The following TMPRSS15 variants were observed in gnomAD, a reference collection of about 807,000 sequenced individuals.
The protein encoded by TMPRSS15 is transmembrane serine protease 15.
In TMPRSS15, 128 loss-of-function variants were observed where a neutral mutation model predicts 125.3. The ratio of observed to expected loss-of-function variants is 1.02; its 90% confidence interval spans 0.89 to 1.18. The LOEUF is 1.18. TMPRSS15 is among the 50% of genes most tolerant of loss of function. TMPRSS15 has a pLI of 0.00. For synonymous variants in TMPRSS15, 446 were observed against 423.2 expected (o/e 1.05, Z -0.66); for missense variants, 1,283 against 1,212.7 (o/e 1.06, Z -0.86).
chr21:18,463,297 G>A lies in TMPRSS15; in HGVS notation c.10+22502C>T, dbSNP rs1392752398. 2.1e-5 allele frequency among the ~76,000 whole-genome samples: 3 copies of A among 141,526 alleles called. No homozygotes were observed. The East Asian group carries it at 6.2e-4, about 29-fold the overall frequency. The allele number at this position is 141,526 out of a possible 152,430, so 92.8% of individuals were successfully genotyped here. A position where few individuals can be genotyped will look rare whatever the true frequency, so the allele number is the denominator to read the frequency against. ...AAAAAAGCCGGGGGTGGGGAGGGTT[G>A]CAATCCTAGTCTCTGATAAAACAGA... On this transcript the variant is annotated intron_variant, in intron 1 of 7. Coordinates refer to the TMPRSS15 transcript ENST00000422787.
intron 18 of TMPRSS15, among the ~76,000 whole-genome samples, chr21:18,298,901 C>A (rs75703640): frequency 6.6e-6 from 1 of 152,122 alleles, no homozygotes; most frequent in Non-Finnish European, 1.5e-5. Flanking sequence ...TTAGAAGATA[C>A]GAACTATTTA....
chr21:18,430,996 T>C (rs1234738524), intron 1 of TMPRSS15, among the ~76,000 whole-genome samples: 1 of 152,174 alleles, frequency 6.6e-6, no homozygotes, highest in Non-Finnish European at 1.5e-5. Context: ...TGTACAGTCT[T>C]AGAACAGATA....
chr21:18,278,466 T>C (rs957412589), intron 23 of TMPRSS15, among the ~76,000 whole-genome samples: 2 of 152,206 alleles, frequency 1.3e-5, no homozygotes, highest in Admixed American at 1.3e-4. Context: ...ACGACTATAA[T>C]CCCAGCACTT....
rs1296733318 is a variant in TMPRSS15, at chr21:18,380,556, G to T, written c.497-1238C>A. Reference sequence around the variant, plus strand: ...AACACTGACCTGAAGTTGTTGCAGGGCTTACTGTAGAAAAATTCTCCAAAG... The same window carrying T: ...AACACTGACCTGAAGTTGTTGCAGGTCTTACTGTAGAAAAATTCTCCAAAG... On this transcript the variant is annotated intron_variant, in intron 4 of 24. Transcript: ENST00000284885. 6.4e-6 allele frequency: 3 copies of T among 470,584 alleles called. No individual in the cohort carries two copies. In the East Asian group the frequency reaches 2.1e-4, roughly 33 times the overall value. The allele number at this position is 470,584 out of a possible 1,614,324, so 29.2% of individuals were successfully genotyped here. A position where few individuals can be genotyped will look rare whatever the true frequency, so the allele number is the denominator to read the frequency against.
intron 8 of TMPRSS15, among the ~76,000 whole-genome samples, chr21:18,358,199 A>G (rs2075644389): frequency 6.6e-6 from 1 of 151,824 alleles, no homozygotes; most frequent in South Asian, 2.1e-4. Flanking sequence ...TGAAGAGTTA[A>G]GAAACATGAG....
chr21:18,398,935 G>T (rs1410468630), intron 1 of TMPRSS15, among the ~76,000 whole-genome samples: 1 of 151,402 alleles, frequency 6.6e-6, no homozygotes, highest in African/African-American at 2.4e-5. Flanking sequence ...GAATGCTGTA[G>T]AAAATAGATA....
At chr21:18,434,271 CAG>C (rs2076223315) in intron 1 of TMPRSS15, among the ~76,000 whole-genome samples, 1 of 152,136 alleles carries the variant, frequency 6.6e-6, no homozygotes, top group Non-Finnish European at 1.5e-5. Context: ...TCTCTACACA[CAG>C]AGATACATGC....
intron 7 of TMPRSS15, among the ~76,000 whole-genome samples, chr21:18,361,642 G>A (rs1282408298): frequency 1.3e-5 from 2 of 152,110 alleles, no homozygotes; most frequent in Non-Finnish European, 2.9e-5. Context: ...AAGTCTAAAA[G>A]TCATTGTTGA....
At chr21:18,425,471 T>C (rs1428311632) in intron 1 of TMPRSS15, among the ~76,000 whole-genome samples, 1 of 152,138 alleles carries the variant, frequency 6.6e-6, no homozygotes, top group African/African-American at 2.4e-5. Context: ...ATTGTAACTC[T>C]TCATTGAGCA....
intron 1 of TMPRSS15, among the ~76,000 whole-genome samples, chr21:18,453,023 T>TACA (rs1199645065): frequency 3.9e-5 from 6 of 152,330 alleles, no homozygotes; most frequent in African/African-American, 1.4e-4. Flanking sequence ...TAAGGACTGT[T>TACA]ATACAGCATA....
At chr21:18,342,589 A>G (rs2075460046) in intron 12 of TMPRSS15, among the ~76,000 whole-genome samples, 1 of 152,228 alleles carries the variant, frequency 6.6e-6, no homozygotes, top group African/African-American at 2.4e-5. Context: ...GGCCACTGCA[A>G]TACTGACTTC....
intron 23 of TMPRSS15, 65 bp from the exon 24 acceptor site, chr21:18,275,401 A>G: frequency 1.3e-6 from 2 of 1,578,186 alleles, no homozygotes; most frequent in Non-Finnish European, 1.7e-6. Context: ...TGAATGAACT[A>G]CCATCAGTCC....
At chr21:18,419,286 T>C (rs765332076) in intron 1 of TMPRSS15, among the ~76,000 whole-genome samples, 19 of 144,322 alleles carry the variant, frequency 1.3e-4, no homozygotes, top group East Asian at 6.6e-4. Context: ...AGTGCAGTGG[T>C]GCTATCTCTG....
At chr21:18,408,844 A>C (rs1440204105) in intron 1 of TMPRSS15, among the ~76,000 whole-genome samples, 1 of 151,326 alleles carries the variant, frequency 6.6e-6, no homozygotes, top group Non-Finnish European at 1.5e-5. Flanking sequence ...TCCTTGAAAA[A>C]TTTGGCTGGA....
In TMPRSS15 at chr21:18,403,565, T is replaced by G. The variant is rs778763470; in HGVS notation, c.58A>C (p.Met20Leu). 1 of 1,614,152 alleles carries G rather than the reference T, an allele frequency of 6.2e-7. No homozygotes were observed. The highest frequency in any genetic ancestry group is 1.1e-5 in the South Asian group (1 of 91,078). The part of the protein sequence containing the change: ...RHHSLSSYEI[M>L]FAALFAILVV... ...AATATGGCAAAGAGAGCTGCAAACA[T>G]GATTTCATAGGAGCTGAGAGAATGA... Residue 20 changes from methionine (M) to leucine (L), a missense_variant, in exon 1 of 25, where the codon ATG (methionine) becomes CTG (leucine). Met to Leu is a conservative substitution (Grantham distance 15). Transcript: ENST00000284885.
At chr21:18,321,299 C>A (rs926688934) in intron 16 of TMPRSS15, among the ~76,000 whole-genome samples, 1 of 151,616 alleles carries the variant, frequency 6.6e-6, no homozygotes, top group Non-Finnish European at 1.5e-5. Context: ...TGGAAGGTGG[C>A]CCTAAAATAG....
At chr21:18,424,759 A>C (rs1424873585) in intron 1 of TMPRSS15, among the ~76,000 whole-genome samples, 1 of 152,108 alleles carries the variant, frequency 6.6e-6, no homozygotes, top group Non-Finnish European at 1.5e-5. Context: ...AGGCATCTGC[A>C]ACTAGGCAAA....
intron 3 of TMPRSS15, among the ~76,000 whole-genome samples, chr21:18,397,504 A>G (rs116205624): frequency 6.6e-6 from 1 of 152,110 alleles, no homozygotes; most frequent in Admixed American, 6.6e-5. Context: ...ACAGTGGACA[A>G]GTACCTTCTC....
At chr21:18,375,472 C>A (rs757577809) in intron 5 of TMPRSS15, among the ~76,000 whole-genome samples, 1 of 151,892 alleles carries the variant, frequency 6.6e-6, no homozygotes, top group Non-Finnish European at 1.5e-5. Context: ...AAATTGTGTT[C>A]CCAACAGAAA....
Sources: allele counts gnomAD v4.1 joint callset (sites outside exome capture counted in the v4.1 genomes callset), GRCh38; gene constraint gnomAD v4.1.1; transcripts MANE v1.5; gene names NCBI Gene and HGNC (gene_info 2026-07-23, HGNC 2026-07-21).